The following RTN4R variants were observed in gnomAD, a reference collection of about 807,000 sequenced individuals.
RTN4R encodes reticulon 4 receptor.
A neutral mutation model predicts 27.7 loss-of-function variants in RTN4R; 4 were observed. That is an observed-to-expected ratio of 0.14 (90% confidence interval 0.07 to 0.33). The LOEUF is 0.33. Among genes scored for constraint, RTN4R ranks in the 10% least tolerant of loss-of-function variants. The pLI, the probability that RTN4R is intolerant of heterozygous loss-of-function variation, is 1.00. For missense variants in RTN4R, 554 were observed against 671.5 expected, an observed-to-expected ratio of 0.83 and a Z score of 1.93; for synonymous variants, 290 against 305.6, an observed-to-expected ratio of 0.95 and a Z score of 0.53.
At chr22:20,250,817 C>T (rs2051171411) in intron 1 of RTN4R, among the ~76,000 whole-genome samples, 1 of 152,040 alleles carries the variant, frequency 6.6e-6, no homozygotes, top group African/African-American at 2.4e-5. Flanking sequence ...CACACCTCAG[C>T]CTCCTGAGTA....
intron 1 of RTN4R, among the ~76,000 whole-genome samples, chr22:20,256,944 C>T (rs1019816810): frequency 2.6e-5 from 4 of 152,250 alleles, no homozygotes; most frequent in Admixed American, 6.5e-5. Flanking sequence ...CCATTCCACT[C>T]CACACCTCGC....
intron 1 of RTN4R, among the ~76,000 whole-genome samples, chr22:20,247,957 CCGGCAGGGCT>C (rs1383817345): frequency 6.6e-6 from 1 of 152,204 alleles, no homozygotes; most frequent in East Asian, 1.9e-4. Context: ...TTTGCCCTGG[CCGGCAGGGCT>C]CGTCCCTGCC....
intron 1 of RTN4R, among the ~76,000 whole-genome samples, chr22:20,263,126 T>G (rs2051257260): frequency 6.6e-6 from 1 of 152,200 alleles, no homozygotes; most frequent in Admixed American, 6.5e-5. Flanking sequence ...AAGGTTAAAT[T>G]TGCACATCGC....
At chr22:20,251,053 C>T (rs558062684) in intron 1 of RTN4R, among the ~76,000 whole-genome samples, 1 of 152,172 alleles carries the variant, frequency 6.6e-6, no homozygotes, top group South Asian at 2.1e-4. Flanking sequence ...GGGGACAGGG[C>T]CCCTCCATGC....
chr22:20,266,625 C>T (rs773630300), intron 1 of RTN4R, among the ~76,000 whole-genome samples: 6 of 152,216 alleles, frequency 3.9e-5, no homozygotes, highest in Non-Finnish European at 7.3e-5. Context: ...AGACAGGTTC[C>T]AGCCCACCAT....
chr22:20,245,802 C>T (rs919385082), intron 1 of RTN4R, among the ~76,000 whole-genome samples: 2 of 152,230 alleles, frequency 1.3e-5, no homozygotes, highest in Admixed American at 1.3e-4. Flanking sequence ...TCACCCTGGC[C>T]CCAGTTCTCA....
intron 1 of RTN4R, among the ~76,000 whole-genome samples, chr22:20,246,721 G>A (rs978471003): frequency 2.0e-5 from 3 of 152,244 alleles, no homozygotes; most frequent in Non-Finnish European, 4.4e-5. Flanking sequence ...CCACAGGGAT[G>A]CCTTTGCCTC....
chr22:20,268,317 GGT>G, exon 1 of RTN4R: 1 of 470 alleles, frequency 2.1e-3, no homozygotes, highest in African/African-American at 6.1e-3. Context: ...GCGGCGCGGG[GGT>G]TGGGGCGTGG....
chr22:20,250,347 G>A (rs1246444440), intron 1 of RTN4R, among the ~76,000 whole-genome samples: 1 of 152,268 alleles, frequency 6.6e-6, no homozygotes, highest in Admixed American at 6.5e-5. Context: ...AACAACAGCA[G>A]AGCTGAGTTG....
At chr22:20,259,442 G>A (rs754881593) in intron 1 of RTN4R, among the ~76,000 whole-genome samples, 2 of 152,144 alleles carry the variant, frequency 1.3e-5, no homozygotes, top group African/African-American at 2.4e-5. Context: ...GGAGGCAGCC[G>A]GGTGCGCAGG....
At chr22:20,264,545 A>T (rs2051266270) in intron 1 of RTN4R, among the ~76,000 whole-genome samples, 1 of 152,192 alleles carries the variant, frequency 6.6e-6, no homozygotes, top group African/African-American at 2.4e-5. Flanking sequence ...CTCAGAAGAG[A>T]ATCTGACAGG....
chr22:20,245,791 C>T (rs574722398), intron 1 of RTN4R, among the ~76,000 whole-genome samples: 73 of 152,342 alleles, frequency 4.8e-4, no homozygotes, highest in Non-Finnish European at 1.0e-3. Flanking sequence ...CTCACCCAGT[C>T]TCACCCTGGC....
intron 1 of RTN4R, among the ~76,000 whole-genome samples, chr22:20,265,287 C>A (rs1054267456): frequency 6.6e-6 from 1 of 152,208 alleles, no homozygotes; most frequent in African/African-American, 2.4e-5. Context: ...GCCTGCCTGT[C>A]ACTCACAGCA....
intron 1 of RTN4R, 109 bp from the exon 2 acceptor site, chr22:20,243,219 G>A (rs2051120113): frequency 8.8e-7 from 1 of 1,141,416 alleles, no homozygotes. Flanking sequence ...GGAGGACCTG[G>A]GGCTGGGTCC....
At chr22:20,247,559 G>A (rs976198887) in intron 1 of RTN4R, among the ~76,000 whole-genome samples, 3 of 146,854 alleles carry the variant, frequency 2.0e-5, no homozygotes, top group African/African-American at 2.5e-5. Flanking sequence ...CCACAGACAC[G>A]TGCAGGGGCA....
At chr22:20,266,504 C>T (rs2051277418) in intron 1 of RTN4R, among the ~76,000 whole-genome samples, 2 of 152,292 alleles carry the variant, frequency 1.3e-5, no homozygotes, top group Admixed American at 1.3e-4. Flanking sequence ...TGCAGTCACG[C>T]TGGGTCACGT....
At chr22:20,248,784 G>A (rs1194364245) in intron 1 of RTN4R, among the ~76,000 whole-genome samples, 1 of 152,214 alleles carries the variant, frequency 6.6e-6, no homozygotes, top group Non-Finnish European at 1.5e-5. Context: ...GAGCCCAGGA[G>A]CCCACTACCA....
intron 1 of RTN4R, among the ~76,000 whole-genome samples, chr22:20,259,668 G>A (rs913937323): frequency 6.6e-6 from 1 of 152,154 alleles, no homozygotes; most frequent in Admixed American, 6.5e-5. Flanking sequence ...TTCTGTTAGG[G>A]GACACTGGAG....
chr22:20,259,841 G>T (rs893963379), intron 1 of RTN4R, among the ~76,000 whole-genome samples: 1 of 152,222 alleles, frequency 6.6e-6, no homozygotes, highest in Non-Finnish European at 1.5e-5. Context: ...GGAATCTGGG[G>T]GACTTGGGGG....
Sources: gnomAD v4.1 joint callset for allele counts (sites outside exome capture counted in the v4.1 genomes callset) on GRCh38, gnomAD v4.1.1 for gene constraint, MANE v1.5 for transcripts, NCBI Gene and HGNC (gene_info 2026-07-23, HGNC 2026-07-21) for gene names.